The following SLC25A48 variants were observed in gnomAD, a reference collection of about 807,000 sequenced individuals.
SLC25A48 encodes the protein solute carrier family 25 member 48.
In SLC25A48, 29 loss-of-function variants were observed where a neutral mutation model predicts 32.2. That is an observed-to-expected ratio of 0.90 (90% CI 0.67 to 1.23). The LOEUF is 1.23. Among genes scored for constraint, SLC25A48 ranks in the 50% most tolerant of loss-of-function variants. The probability of loss-of-function intolerance (pLI) is 0.00; values close to 1 mark genes in which losing one functional copy is unlikely to be tolerated. For synonymous variants in SLC25A48, 164 were observed against 172.3 expected (o/e 0.95, Z 0.38); for missense variants, 399 against 422.7 (o/e 0.94, Z 0.49).
In SLC25A48 at chr5:135,783,984, C is replaced by A. The variant is rs1489028229; in HGVS notation, c.-520-28539C>A. Among the ~76,000 whole-genome samples the A allele has an allele frequency of 1.7e-5, 2 of 117,690 alleles. 1 individual carries two copies. The highest frequency in any genetic ancestry group is 5.2e-5 in the African/African-American group (2 of 38,654). The allele number at this position is 117,690 out of a possible 152,430, so 77.2% of individuals were successfully genotyped here. Reference sequence around the variant, plus strand: ...CAGGGGGGAAAAGGATGATATTGCTCCCAATATCGCAGGACGTGTACACTT... The same window carrying A: ...CAGGGGGGAAAAGGATGATATTGCTACCAATATCGCAGGACGTGTACACTT... On this transcript the variant is annotated intron_variant, in intron 3 of 10. Transcript: ENST00000646290.
At chr5:135,856,469 C>T (rs1378634733) in intron 4 of SLC25A48, among the ~76,000 whole-genome samples, 1 of 152,208 alleles carries the variant, frequency 6.6e-6, no homozygotes, top group Non-Finnish European at 1.5e-5. Context: ...ATCTCCTGCC[C>T]CAGCCCCGGA....
At chr5:135,726,925 A>G (rs1263466124) in intron 3 of SLC25A48, among the ~76,000 whole-genome samples, 1 of 152,150 alleles carries the variant, frequency 6.6e-6, no homozygotes, top group Admixed American at 6.6e-5. Flanking sequence ...TTCACCAGCA[A>G]TGTATGAGTG....
chr5:135,863,864 A>G (rs941080707), intron 4 of SLC25A48, among the ~76,000 whole-genome samples: 2 of 152,202 alleles, frequency 1.3e-5, no homozygotes, highest in Admixed American at 6.5e-5. Flanking sequence ...TGATGGGGAC[A>G]GAGACAGAGG....
intron 1 of SLC25A48, among the ~76,000 whole-genome samples, chr5:135,840,990 G>A (rs1298640012): frequency 1.3e-5 from 2 of 152,162 alleles, no homozygotes; most frequent in Admixed American, 6.5e-5. Flanking sequence ...TTGAGGAATT[G>A]CCAAACTGTT....
chr5:135,841,580 A>C (rs778774296), intron 1 of SLC25A48, among the ~76,000 whole-genome samples: 13 of 152,226 alleles, frequency 8.5e-5, no homozygotes, highest in Non-Finnish European at 1.9e-4. Context: ...AGTTGGGAGA[A>C]GTGGCCAAAG....
chr5:135,882,779 T>C lies in SLC25A48; in HGVS notation c.*7+2682T>C, dbSNP rs150896698. 4.7e-3 allele frequency among the ~76,000 whole-genome samples: 721 copies of C among 152,310 alleles called. 7 individuals are homozygous for C. Among genetic ancestry groups the C allele is most frequent in the African/African-American group, 0.017 (706 of 41,570 alleles). ...GACCAGCCCCCAGAGCTCCCTGGAA[T>C]AGTGCTGGTCTGCCCTCGGTCCTGA... is the stretch of plus-strand genomic sequence containing the variant. On this transcript the variant is annotated intron_variant, in intron 7 of 7. Coordinates refer to ENST00000681962, the MANE Select transcript of SLC25A48 (RefSeq NM_001349336.2).
chr5:135,818,054 CCTCTCTCTCTCTCT>C (rs58632457), intron 4 of SLC25A48, among the ~76,000 whole-genome samples: 2,164 of 80,568 alleles, frequency 0.027, 28 homozygotes, highest in South Asian at 0.062. Flanking sequence ...TCTCTCTGTT[CCTCTCTCTCTCTCT>C]CTCTCTCTCT....
chr5:135,800,119 AC>A (rs1352099128), intron 3 of SLC25A48, among the ~76,000 whole-genome samples: 1 of 151,514 alleles, frequency 6.6e-6, no homozygotes, highest in Non-Finnish European at 1.5e-5. Context: ...CGATTATATT[AC>A]TCCCAATATC....
chr5:135,583,847 T>A (rs1751292226), intron 1 of SLC25A48, among the ~76,000 whole-genome samples: 1 of 152,208 alleles, frequency 6.6e-6, no homozygotes, highest in South Asian at 2.1e-4. Flanking sequence ...TCTGTTCACC[T>A]GCAGCCTGTG....
chr5:135,763,866 A>G (rs938306651), intron 3 of SLC25A48, among the ~76,000 whole-genome samples: 1 of 151,848 alleles, frequency 6.6e-6, no homozygotes, highest in Non-Finnish European at 1.5e-5. Context: ...TGTGTCACTC[A>G]ATTCTATTTA....
intron 3 of SLC25A48, among the ~76,000 whole-genome samples, chr5:135,764,930 A>T (rs1382982172): frequency 6.6e-6 from 1 of 151,052 alleles, no homozygotes; most frequent in African/African-American, 2.4e-5. Flanking sequence ...GAGAAGAGAG[A>T]ATGATAGTAC....
intron 2 of SLC25A48, among the ~76,000 whole-genome samples, chr5:135,632,961 C>T (rs1056190942): frequency 1.3e-5 from 2 of 152,176 alleles, no homozygotes; most frequent in African/African-American, 4.8e-5. Context: ...AATGAGCATG[C>T]TTCCTGCTTC....
intron 3 of SLC25A48, among the ~76,000 whole-genome samples, chr5:135,786,717 G>C (rs1416829410): frequency 2.0e-5 from 3 of 151,814 alleles, no homozygotes; most frequent in Admixed American, 2.0e-4. Context: ...GACACTGTTT[G>C]TAATATCCTG....
intron 3 of SLC25A48, among the ~76,000 whole-genome samples, chr5:135,688,124 C>T (rs1035067975): frequency 3.6e-5 from 4 of 111,644 alleles, no homozygotes; most frequent in Admixed American, 8.9e-5. Flanking sequence ...TGCAATCATA[C>T]CGTATTTGTC....
At chr5:135,805,200 T>C (rs557757374) in intron 3 of SLC25A48, among the ~76,000 whole-genome samples, 1 of 151,220 alleles carries the variant, frequency 6.6e-6, no homozygotes, top group East Asian at 2.0e-4. Flanking sequence ...GAGATATTAA[T>C]CCTAACATCA....
chr5:135,663,872 C>T (rs2126936411), intron 3 of SLC25A48, among the ~76,000 whole-genome samples: 1 of 152,290 alleles, frequency 6.6e-6, no homozygotes, highest in African/African-American at 2.4e-5. Context: ...ATGGAATCTG[C>T]ACTGGCCTCA....
chr5:135,723,377 C>CTG (rs1208386556), intron 3 of SLC25A48, among the ~76,000 whole-genome samples: 7 of 101,954 alleles, frequency 6.9e-5, no homozygotes, highest in African/African-American at 2.4e-4. Context: ...CTCTCTCTCT[C>CTG]TCTCACACAC....
In SLC25A48 at chr5:135,742,540, C is replaced by T; in HGVS notation, c.-520-69983C>T. ...CAACACTGCCTTTCCCAAACAATAC[C>T]AAGATTTTGTGTTTTATGGTTTTCA... On this transcript the variant is annotated intron_variant, in intron 3 of 10. Transcript: ENST00000646290. 2 of 1,467,114 alleles carry T rather than the reference C, an allele frequency of 1.4e-6. 1 individual carries two copies. The highest frequency in any genetic ancestry group is 2.4e-5 in the South Asian group (2 of 84,900). The allele number at this position is 1,467,114 out of a possible 1,614,324, so 90.9% of individuals were successfully genotyped here.
At chr5:135,583,025 C>T (rs556987377) in intron 1 of SLC25A48, among the ~76,000 whole-genome samples, 1 of 152,292 alleles carries the variant, frequency 6.6e-6, no homozygotes, top group African/African-American at 2.4e-5. Context: ...TCTTGCTCAT[C>T]CTCAGTATCT....
Sources: allele counts gnomAD v4.1 joint callset (sites outside exome capture counted in the v4.1 genomes callset), GRCh38; gene constraint gnomAD v4.1.1; transcripts MANE v1.5; gene names NCBI Gene and HGNC (gene_info 2026-07-23, HGNC 2026-07-21).